STEAP3: variants seen among roughly 807,000 people sequenced by gnomAD.
STEAP3 encodes STEAP3 metalloreductase.
A neutral mutation model predicts 34.9 loss-of-function variants in STEAP3; 35 were observed. That is an observed-to-expected ratio of 1.00 (90% CI 0.76 to 1.33). The LOEUF is 1.33. STEAP3 is among the 40% of genes most tolerant of loss of function. The pLI is 0.00. For missense variants in STEAP3, 652 were observed against 667.6 expected, an observed-to-expected ratio of 0.98 and a Z score of 0.26; for synonymous variants, 281 against 301.6, an observed-to-expected ratio of 0.93 and a Z score of 0.71.
chr2:119,242,668 T>C (rs1034978890), intron 2 of STEAP3, among the ~76,000 whole-genome samples: 1 of 152,248 alleles, frequency 6.6e-6, no homozygotes, highest in Non-Finnish European at 1.5e-5. Context: ...GTGCTTATGA[T>C]GTGCTCAGCA....
At chr2:119,246,104 C>A in intron 3 of STEAP3, 116 bp downstream of exon 3, 2 of 1,341,408 alleles carry the variant, frequency 1.5e-6, no homozygotes, top group Non-Finnish European at 2.0e-6. Context: ...TGCATCACTG[C>A]AAAATTCCAT....
Position 119,254,732 on chromosome 2 carries a change from A to C in STEAP3, c.1099A>C (p.Met367Leu), listed in dbSNP as rs767144294. 13 of 1,613,990 alleles carry C rather than the reference A, an allele frequency of 8.1e-6. No individual in the cohort carries two copies. In the South Asian group the frequency reaches 1.2e-4, roughly 15 times the overall value. Residue 367 changes from methionine (M) to leucine (L), a missense_variant, in exon 5 of 6, where the codon ATG becomes CTG. Transcript: ENST00000393110. ...CTGGGTGGAGGAGGAGGTCTGGCGG[A>C]TGGAGATCTACCTCTCCCTGGGAGT... is the stretch of plus-strand genomic sequence containing the variant. ...HLWVEEEVWR[M>L]EIYLSLGVLA...
chr2:119,249,855 C>T (rs1358020427), intron 4 of STEAP3, among the ~76,000 whole-genome samples: 1 of 152,182 alleles, frequency 6.6e-6, no homozygotes, highest in Non-Finnish European at 1.5e-5. Flanking sequence ...GGCAGAAAAG[C>T]AAGATGCTTG....
chr2:119,257,408 A>G (rs1259992902), intron 5 of STEAP3: 2 of 1,423,004 alleles, frequency 1.4e-6, no homozygotes, highest in East Asian at 5.7e-5. Context: ...TGGCTCTGGC[A>G]ATCTATTTTT....
chr2:119,262,964 T>A lies in STEAP3; in HGVS notation c.1216-93T>A, dbSNP rs1003178106. ...GCGGTGAGTACTAAAGCCACCCTCC[T>A]TCCCCTCCGCCAGGCCAGCAGATGA... On this transcript the variant is annotated intron_variant, in intron 5 of 5. Transcript: ENST00000393110. The A allele has an allele frequency of 2.9e-5, 45 of 1,542,376 alleles. No homozygotes were observed. In the East Asian group the frequency reaches 8.1e-4, roughly 28 times the overall value.
At chr2:119,231,173 C>G (rs1676922592) in intron 2 of STEAP3, 139 bp downstream of exon 2, 1 of 1,107,754 alleles carries the variant, frequency 9.0e-7, no homozygotes, top group African/African-American at 1.5e-5. Context: ...CTCGACACCT[C>G]CCAGAGATCT....
At position 119,264,543 on chromosome 2, in the gene STEAP3, G is replaced by A. The variant is rs138743483; in HGVS notation, c.*1205G>A. 5.3e-5 allele frequency: 8 copies of A among 152,292 alleles called. No individual in the cohort carries two copies. Among genetic ancestry groups the A allele is most frequent in the East Asian group, 1.9e-4 (1 of 5,180 alleles). 9.4% of individuals were successfully genotyped at this position (152,292 alleles called of 1,614,324 possible). ...AAGAGCACCGCCGGGGCCACAGGACGTCTGTCCTCCAGTCACAGGCCATCC... is the reference window on the plus strand; with the variant it reads ...AAGAGCACCGCCGGGGCCACAGGACATCTGTCCTCCAGTCACAGGCCATCC... On this transcript the variant is annotated 3_prime_UTR_variant, in exon 6 of 6. Transcript: ENST00000393110.
At chr2:119,250,987 G>A (rs1012944173) in intron 4 of STEAP3, among the ~76,000 whole-genome samples, 2 of 152,122 alleles carry the variant, frequency 1.3e-5, no homozygotes, top group African/African-American at 2.4e-5. Context: ...TGGTTATGTC[G>A]GGGTGGGTGG....
In STEAP3 at chr2:119,245,568, C is replaced by A. The variant is rs780421460; in HGVS notation, c.102C>A (p.Val34=). The A allele has an allele frequency of 1.9e-6, 3 of 1,605,742 alleles. No individual in the cohort carries two copies. Among genetic ancestry groups the A allele is most frequent in the African/African-American group, 1.3e-5 (1 of 74,770 alleles). The part of the protein sequence containing the change: ...LVDSDSSLAK[V]PDEAPKVGIL... ...ACAGCGATAGTAGCCTTGCCAAGGTCCCCGATGAGGCCCCCAAAGTGGGCA... is the reference window on the plus strand; with the variant it reads ...ACAGCGATAGTAGCCTTGCCAAGGTACCCGATGAGGCCCCCAAAGTGGGCA... Residue 34 remains valine, a synonymous_variant, in exon 3 of 6, where the codon GTC becomes GTA. Coordinates refer to ENST00000393110, the MANE Select transcript of STEAP3 (RefSeq NM_182915.3).
chr2:119,257,586 T>C, intron 5 of STEAP3: 1 of 1,540,958 alleles, frequency 6.5e-7, no homozygotes, highest in Non-Finnish European at 8.8e-7. Flanking sequence ...CTTCTGCTGC[T>C]CACTTGTGCC....
At chr2:119,236,466 G>C (rs933244118) in intron 2 of STEAP3, among the ~76,000 whole-genome samples, 2 of 152,168 alleles carry the variant, frequency 1.3e-5, no homozygotes, top group Non-Finnish European at 2.9e-5. Flanking sequence ...GACTGATCCT[G>C]AATAAATCCA....
intron 5 of STEAP3, 124 bp from the exon 6 acceptor site, chr2:119,262,933 C>T: frequency 7.6e-7 from 1 of 1,322,806 alleles, no homozygotes; most frequent in East Asian, 2.3e-5. Context: ...GGGGTTCCAA[C>T]CCATAGCGGT....
At chr2:119,234,409 A>T (rs557542855) in intron 2 of STEAP3, among the ~76,000 whole-genome samples, 1 of 152,272 alleles carries the variant, frequency 6.6e-6, no homozygotes, top group African/African-American at 2.4e-5. Flanking sequence ...GGCTGGATTA[A>T]CTGGCCCATA....
At chr2:119,246,931 C>T (rs1677445576) in intron 3 of STEAP3, 1 of 152,146 alleles carries the variant, frequency 6.6e-6, no homozygotes, top group African/African-American at 2.4e-5. Context: ...TCAGTTTTCT[C>T]ACCTGAAAAA....
chr2:119,249,976 C>T (rs754468108), intron 4 of STEAP3, among the ~76,000 whole-genome samples: 1 of 152,184 alleles, frequency 6.6e-6, no homozygotes, highest in African/African-American at 2.4e-5. Flanking sequence ...CATTTAACCC[C>T]ATCTCATCCC....
At chr2:119,236,349 A>T (rs1677093853) in intron 2 of STEAP3, among the ~76,000 whole-genome samples, 1 of 152,228 alleles carries the variant, frequency 6.6e-6, no homozygotes, top group South Asian at 2.1e-4. Flanking sequence ...GGGCTCAGGA[A>T]GGTGAAGTGA....
intron 2 of STEAP3, among the ~76,000 whole-genome samples, chr2:119,232,417 C>T (rs1399736975): frequency 6.6e-6 from 1 of 152,210 alleles, no homozygotes; most frequent in Non-Finnish European, 1.5e-5. Context: ...GACTTCGCCT[C>T]GCTGGCACTT....
chr2:119,245,993 G>A lies in STEAP3; in HGVS notation c.522+5G>A, dbSNP rs1197558792. The A allele has an allele frequency of 6.2e-7, 1 of 1,608,222 alleles. No individual in the cohort carries two copies. The highest frequency in any genetic ancestry group is 2.2e-5 in the East Asian group (1 of 44,742). ...CCAAGGGATGGTAACAGGCAGGTAGGTTCTGGGGGAATAATACCCATCGTA... is the reference window on the plus strand; with the variant it reads ...CCAAGGGATGGTAACAGGCAGGTAGATTCTGGGGGAATAATACCCATCGTA... On this transcript the variant is annotated splice_donor_5th_base_variant and intron_variant, in intron 3 of 5. Transcript: ENST00000393110.
At chr2:119,228,781 T>G (rs1401444271) in intron 1 of STEAP3, among the ~76,000 whole-genome samples, 1 of 152,058 alleles carries the variant, frequency 6.6e-6, no homozygotes, top group Non-Finnish European at 1.5e-5. Context: ...ACATCTGGCA[T>G]GGCTTGTGGG....
Sources: gnomAD v4.1 joint callset for allele counts (sites outside exome capture counted in the v4.1 genomes callset) on GRCh38, gnomAD v4.1.1 for gene constraint, MANE v1.5 for transcripts, NCBI Gene and HGNC (gene_info 2026-07-23, HGNC 2026-07-21) for gene names.